Variants in ZNF638 observed in about 807,000 individuals in gnomAD.
ZNF638 encodes the protein zinc finger protein 638.
ZNF638 carries 46 observed loss-of-function variants against 195.6 expected under a neutral mutation model. The ratio of observed to expected loss-of-function variants is 0.24; its 90% confidence interval spans 0.19 to 0.30. ZNF638 has a LOEUF of 0.30. Among genes scored for constraint, ZNF638 ranks in the 10% least tolerant of loss-of-function variants. The pLI is 1.00. For missense variants in ZNF638, 2,440 were observed against 2,325.3 expected, an observed-to-expected ratio of 1.05 and a Z score of -1.01; for synonymous variants, 845 against 772.0, an observed-to-expected ratio of 1.09 and a Z score of -1.57.
intron 11 of ZNF638, among the ~76,000 whole-genome samples, chr2:71,397,051 A>G (rs1033502945): frequency 1.3e-5 from 2 of 152,222 alleles, no homozygotes; most frequent in East Asian, 1.9e-4. Flanking sequence ...GAATTTTCAT[A>G]TAGTAGTTTC....
intron 1 of ZNF638, among the ~76,000 whole-genome samples, chr2:71,347,133 G>A (rs1248806915): frequency 6.6e-6 from 1 of 152,158 alleles, no homozygotes; most frequent in African/African-American, 2.4e-5. Flanking sequence ...TCAGGTGAGC[G>A]TCCAGGGCAA....
At chr2:71,362,916 G>C (rs2079133313) in intron 3 of ZNF638, among the ~76,000 whole-genome samples, 1 of 152,076 alleles carries the variant, frequency 6.6e-6, no homozygotes, top group South Asian at 2.1e-4. Flanking sequence ...TAACACTTCT[G>C]TGCATATGCT....
rs372453424 is a variant in ZNF638, at chr2:71,355,963, A to G, written c.1379+183A>G. The stretch of plus-strand genomic sequence containing the variant: ...ATATTTTTCCAAAATGGTAGAATTC[A>G]GTATATCCTTTGACACTTTTCTAAC... On this transcript the variant is annotated intron_variant, in intron 3 of 27. Transcript: ENST00000264447. 3.9e-5 allele frequency among the ~76,000 whole-genome samples: 6 copies of G among 152,228 alleles called. No homozygotes were observed. The South Asian group carries it at 8.3e-4, about 21-fold the overall frequency.
At chr2:71,359,029 A>T (rs1016383760) in intron 3 of ZNF638, among the ~76,000 whole-genome samples, 1 of 152,216 alleles carries the variant, frequency 6.6e-6, no homozygotes, top group Admixed American at 6.5e-5. Context: ...CATAGTCTAA[A>T]CATAACTTTT....
rs757282667 is a variant in ZNF638, at chr2:71,365,633, CAAA to C, written c.1923_1925del (p.Lys642del). 2 of 1,614,066 alleles carry C rather than the reference CAAA, an allele frequency of 1.2e-6. No homozygotes were observed. Among genetic ancestry groups the C allele is most frequent in the Middle Eastern group, 3.3e-4 (2 of 6,062 alleles). Reference sequence around the variant, plus strand: ...GGAGGACATTCTATTCGTTGTAAATCAAAGAATCTTGAAGATGACACTTTGTCA... The same window carrying C: ...GGAGGACATTCTATTCGTTGTAAATCGAATCTTGAAGATGACACTTTGTCA... On this transcript the variant is annotated inframe_deletion, in exon 6 of 28. Transcript: ENST00000264447.
Position 71,386,293 on chromosome 2 carries a change from CAAAAAAAAA to C in ZNF638, c.2377+5744_2377+5752del, listed in dbSNP as rs58219651. On this transcript the variant is annotated intron_variant, in intron 10 of 27. Coordinates refer to ENST00000264447, the MANE Select transcript of ZNF638 (RefSeq NM_014497.5). ...TATGCAACAGAGTGAGACCTTGTCT[CAAAAAAAAA>C]AAAAAAAAAAAAAAAGTTTCTTAAA... 9.3e-4 allele frequency among the ~76,000 whole-genome samples: 79 copies of C among 85,200 alleles called. 1 individual carries two copies. The highest frequency in any genetic ancestry group is 3.3e-3 in the African/African-American group (78 of 23,862). 55.9% of individuals were successfully genotyped at this position (85,200 alleles called of 152,430 possible).
chr2:71,433,379 G>T lies in ZNF638; in HGVS notation c.5871+96G>T, dbSNP rs2080705906. On this transcript the variant is annotated intron_variant, in intron 27 of 27. Transcript: ENST00000264447. ...AAACGTACATTTCCCCCCGCTTTAG[G>T]AGAATGTTTATGCCAGTTTATTCCT... 4.4e-6 allele frequency: 4 copies of T among 900,340 alleles called. No homozygotes were observed. The South Asian group carries it at 4.6e-5, about 10-fold the overall frequency. The allele number at this position is 900,340 out of a possible 1,614,324, so 55.8% of individuals were successfully genotyped here.
intron 5 of ZNF638, 70 bp downstream of exon 5, chr2:71,364,322 A>G: frequency 2.1e-6 from 3 of 1,457,412 alleles, no homozygotes; most frequent in Non-Finnish European, 2.8e-6. Context: ...TTCTTTTTGG[A>G]TTTTGAGAAA....
rs560558256 is a variant in ZNF638 at position 71,428,867 on chromosome 2, G to T, written c.5650+216G>T. ...TAGAATGTGACAGATTAGAGGAAAT[G>T]ATCCTCGAAAGGTTTTCTGACCATG... On this transcript the variant is annotated intron_variant, in intron 25 of 27. Transcript: ENST00000264447. 7.9e-6 allele frequency: 3 copies of T among 378,106 alleles called. No homozygotes were observed. In the East Asian group the frequency reaches 1.2e-4, roughly 16 times the overall value. 23.4% of individuals were successfully genotyped at this position (378,106 alleles called of 1,614,324 possible).
Position 71,363,178 on chromosome 2 carries a change from C to T in ZNF638, c.1405C>T (p.Leu469Phe), listed in dbSNP as rs763341148. ...GTATCCTGATTGGAATCCTGAGATCCTCCCATCGAGAAGGTAATTTTTAAA... is the reference window on the plus strand; with the variant it reads ...GTATCCTGATTGGAATCCTGAGATCTTCCCATCGAGAAGGTAATTTTTAAA... ...QQYPDWNPEILPSRRNEGNRK... is the reference protein window; with the variant it reads ...QQYPDWNPEIFPSRRNEGNRK... Residue 469 changes from leucine to phenylalanine, a missense_variant, in exon 4 of 28, where the codon CTC (leucine) becomes TTC (phenylalanine). Leu to Phe is a conservative substitution (Grantham distance 22, BLOSUM62 0). Transcript: ENST00000264447. 4.0e-5 allele frequency: 63 copies of T among 1,589,020 alleles called. No homozygotes were observed. Among genetic ancestry groups the T allele is most frequent in the South Asian group, 5.7e-5 (5 of 87,342 alleles).
At chr2:71,364,432 G>A (rs983716939) in intron 5 of ZNF638, among the ~76,000 whole-genome samples, 180 bp downstream of exon 5, 2 of 152,186 alleles carry the variant, frequency 1.3e-5, no homozygotes, top group South Asian at 2.1e-4. Context: ...GTGTGTGAAT[G>A]TATGTGTCCA....
At chr2:71,376,980 A>G (rs2079440494) in intron 8 of ZNF638, among the ~76,000 whole-genome samples, 1 of 152,168 alleles carries the variant, frequency 6.6e-6, no homozygotes, top group Non-Finnish European at 1.5e-5. Flanking sequence ...AGTTTTCTTT[A>G]AAGTATCAGG....
chr2:71,342,686 G>A (rs1051268807), intron 1 of ZNF638, among the ~76,000 whole-genome samples: 1 of 44,230 alleles, frequency 2.3e-5, no homozygotes, highest in South Asian at 9.8e-4. Flanking sequence ...GTGCGTGCGT[G>A]TGTGTGTGTG....
chr2:71,380,436 TTAAA>T, intron 9 of ZNF638, 73 bp from the exon 10 acceptor site: 24 of 1,360,754 alleles, frequency 1.8e-5, no homozygotes, highest in Non-Finnish European at 2.4e-5. Flanking sequence ...GTTTTTAGGT[TTAAA>T]TATTACATTT....
chr2:71,421,957 ATACTT>A (rs1446689145), intron 21 of ZNF638, among the ~76,000 whole-genome samples: 1 of 152,180 alleles, frequency 6.6e-6, no homozygotes. Flanking sequence ...CACTTTTCAT[ATACTT>A]TAGATTTGGG....
intron 27 of ZNF638, among the ~76,000 whole-genome samples, chr2:71,434,323 A>C (rs971856997): frequency 6.6e-6 from 1 of 152,124 alleles, no homozygotes; most frequent in Non-Finnish European, 1.5e-5. Context: ...TTTTCGTCTC[A>C]AATATCAGTT....
intron 1 of ZNF638, among the ~76,000 whole-genome samples, chr2:71,345,048 A>G (rs2078827269): frequency 6.6e-6 from 1 of 152,198 alleles, no homozygotes; most frequent in African/African-American, 2.4e-5. Context: ...CCATCCAAAA[A>G]TAGGTGAGTA....
intron 7 of ZNF638, among the ~76,000 whole-genome samples, 171 bp downstream of exon 7, chr2:71,368,699 T>C (rs1186476499): frequency 1.3e-5 from 2 of 152,242 alleles, no homozygotes; most frequent in Admixed American, 6.5e-5. Flanking sequence ...TTTTATATCC[T>C]TTAAAATAAG....
chr2:71,336,372 CAAA>C (rs66593443), intron 1 of ZNF638, among the ~76,000 whole-genome samples: 257 of 105,460 alleles, frequency 2.4e-3, no homozygotes, highest in African/African-American at 7.9e-3. Flanking sequence ...ATTCCATCTC[CAAA>C]AAAAAAAAAA....
Sources: gnomAD v4.1 joint callset for allele counts (sites outside exome capture counted in the v4.1 genomes callset) on GRCh38, gnomAD v4.1.1 for gene constraint, MANE v1.5 for transcripts, NCBI Gene and HGNC (gene_info 2026-07-23, HGNC 2026-07-21) for gene names.